MAGI2: variants seen among roughly 807,000 people sequenced by gnomAD.
MAGI2 encodes the protein membrane associated guanylate kinase, WW and PDZ domain containing 2.
MAGI2 carries 35 observed loss-of-function variants against 133.3 expected under a neutral mutation model. That is an observed-to-expected ratio of 0.26 (90% CI 0.20 to 0.35). The LOEUF (loss-of-function observed/expected upper bound fraction) is 0.35. MAGI2 is among the 10% of genes least tolerant of loss of function. The pLI, the probability that MAGI2 is intolerant of heterozygous loss-of-function variation, is 1.00. For synonymous variants in MAGI2, 729 were observed against 710.6 expected, an observed-to-expected ratio of 1.03 and a Z score of -0.41; for missense variants, 1,636 against 1,863.4, an observed-to-expected ratio of 0.88 and a Z score of 2.25.
Position 79,378,531 on chromosome 7 carries a change from T to G in MAGI2, c.301+74489A>C, listed in dbSNP as rs926389094. 2.0e-5 allele frequency among the ~76,000 whole-genome samples: 3 copies of G among 151,604 alleles called. No homozygotes were observed. The Admixed American group carries it at 2.0e-4, about 10-fold the overall frequency. ...ATTTCATTGTCTGGCAGGGTTTTTT[T>G]TTAATGGAAGAATCATTTTATTTAC... On this transcript the variant is annotated intron_variant, in intron 1 of 21. Transcript: ENST00000354212.
At chr7:78,858,935 T>C (rs1213760778) in intron 2 of MAGI2, among the ~76,000 whole-genome samples, 1 of 152,178 alleles carries the variant, frequency 6.6e-6, no homozygotes, top group East Asian at 1.9e-4. Context: ...ATTGGGTGCA[T>C]ATATATTTAG....
chr7:78,051,884 C>CTTTTTTTT (rs59919639), intron 21 of MAGI2, among the ~76,000 whole-genome samples: 5,547 of 125,300 alleles, frequency 0.044, 205 homozygotes, highest in East Asian at 0.16. Flanking sequence ...CATACCCAGC[C>CTTTTTTTT]TTTTTTTTTT....
At chr7:78,894,866 C>T (rs73144914) in intron 2 of MAGI2, among the ~76,000 whole-genome samples, 14,644 of 152,178 alleles carry the variant, frequency 0.096, 762 homozygotes, top group East Asian at 0.22. Flanking sequence ...CTACTTCCAA[C>T]AGTATTTAAT....
intron 1 of MAGI2, among the ~76,000 whole-genome samples, chr7:79,399,934 T>G (rs1051021105): frequency 6.6e-6 from 1 of 152,228 alleles, no homozygotes; most frequent in African/African-American, 2.4e-5. Context: ...ATTTACATAT[T>G]CAAAGTCTTT....
At chr7:78,440,399 T>G (rs1249250180) in intron 6 of MAGI2, among the ~76,000 whole-genome samples, 3 of 152,084 alleles carry the variant, frequency 2.0e-5, no homozygotes, top group African/African-American at 7.2e-5. Context: ...GTAATTCCTA[T>G]GAGAAACCAT....
At chr7:78,081,310 T>G (rs1815942092) in intron 20 of MAGI2, among the ~76,000 whole-genome samples, 2 of 152,210 alleles carry the variant, frequency 1.3e-5, no homozygotes, top group Admixed American at 6.5e-5. Context: ...GCACCTGTTA[T>G]GTACCAGACA....
chr7:78,808,344 C>T (rs1250065057), intron 2 of MAGI2, among the ~76,000 whole-genome samples: 2 of 152,218 alleles, frequency 1.3e-5, no homozygotes, highest in East Asian at 1.9e-4. Context: ...GCAACTTCCA[C>T]CTCCCAAGTT....
At chr7:78,403,246 C>T (rs565077072) in intron 6 of MAGI2, among the ~76,000 whole-genome samples, 45 of 151,828 alleles carry the variant, frequency 3.0e-4, no homozygotes, top group Admixed American at 2.2e-3. Context: ...TGAGAACATG[C>T]GGTGTTTGGT....
At position 79,142,578 on chromosome 7, in the gene MAGI2, G is replaced by T. The variant is rs528078843; in HGVS notation, c.302-135372C>A. On this transcript the variant is annotated intron_variant, in intron 1 of 21. Coordinates refer to ENST00000354212, the MANE Select transcript of MAGI2 (RefSeq NM_012301.4). ...GCTGTGAGTGTGCATGTGTGTGCATGTGGATGTGTGAATAATGACAATTAC... is the reference window on the plus strand; with the variant it reads ...GCTGTGAGTGTGCATGTGTGTGCATTTGGATGTGTGAATAATGACAATTAC... Among the ~76,000 whole-genome samples, 3 of 152,186 alleles carry T rather than the reference G, an allele frequency of 2.0e-5. No individual in the cohort carries two copies. The South Asian group carries it at 6.2e-4, about 32-fold the overall frequency.
At chr7:78,875,332 G>A (rs758398533) in intron 2 of MAGI2, among the ~76,000 whole-genome samples, 12 of 152,130 alleles carry the variant, frequency 7.9e-5, no homozygotes, top group Non-Finnish European at 1.6e-4. Context: ...AAAGCTCAGG[G>A]GTGGAAAAGC....
chr7:78,509,750 A>G (rs1241447758), intron 4 of MAGI2, among the ~76,000 whole-genome samples: 1 of 152,232 alleles, frequency 6.6e-6, no homozygotes, highest in Non-Finnish European at 1.5e-5. Flanking sequence ...CCAGAAGCCA[A>G]GATAAAACCA....
In MAGI2 at chr7:78,627,239, C is replaced by A; in HGVS notation, c.419G>T (p.Cys140Phe). The A allele has an allele frequency of 6.5e-7, 1 of 1,535,750 alleles. No homozygotes were observed. The highest frequency in any genetic ancestry group is 8.7e-7 in the Non-Finnish European group (1 of 1,146,160). Residue 140 changes from cysteine to phenylalanine, a missense_variant and splice_region_variant, in exon 3 of 22, where the codon TGC (cysteine) becomes TTC (phenylalanine). Around this residue, in one of 5 missense-constraint regions of MAGI2, gnomAD observed 148 missense variants for 239.0 expected, o/e 0.62. Transcript: ENST00000354212. The stretch of plus-strand genomic sequence containing the variant: ...ACCCTCCTTATGTGGCCTTGTGGTG[C>A]CTGAATAAAGAAAAGTAAAAACAAA... ...RDNLYLRTVPCTTRPHKEGEV... is the reference protein window; with the variant it reads ...RDNLYLRTVPFTTRPHKEGEV...
chr7:78,795,940 G>A (rs1787571362), intron 2 of MAGI2, among the ~76,000 whole-genome samples: 1 of 152,008 alleles, frequency 6.6e-6, no homozygotes, highest in South Asian at 2.1e-4. Context: ...ACCATATACA[G>A]AATGAAACTA....
chr7:78,718,291 A>G (rs528904937), intron 2 of MAGI2, among the ~76,000 whole-genome samples: 54 of 152,280 alleles, frequency 3.5e-4, no homozygotes, highest in African/African-American at 1.3e-3. Context: ...ACCAAGTAGG[A>G]GCACATACCG....
intron 20 of MAGI2, among the ~76,000 whole-genome samples, chr7:78,119,493 G>A (rs1041311300): frequency 1.1e-4 from 16 of 149,134 alleles, no homozygotes; most frequent in African/African-American, 3.7e-4. Context: ...CCTGGGAGGC[G>A]GAGGTTGCAG....
intron 1 of MAGI2, among the ~76,000 whole-genome samples, chr7:79,018,665 G>T (rs1182658038): frequency 1.3e-5 from 2 of 152,176 alleles, no homozygotes; most frequent in Non-Finnish European, 2.9e-5. Flanking sequence ...CTCACATGAA[G>T]TGGCAGCCAT....
rs139551344 is a variant in MAGI2 at position 78,896,690 on chromosome 7, C to G, written c.418+110400G>C. Among the ~76,000 whole-genome samples the G allele has an allele frequency of 3.2e-4, 48 of 152,068 alleles. No individual in the cohort carries two copies. The South Asian group carries it at 5.0e-3, about 16-fold the overall frequency. ...TCAAGCGATTCTCGTGCCTCAGCCT[C>G]CTGTGTAACTGGGACTACAGATGCG... On this transcript the variant is annotated intron_variant, in intron 2 of 21. Transcript: ENST00000354212.
chr7:78,546,751 A>G (rs1288736293), intron 3 of MAGI2, among the ~76,000 whole-genome samples: 1 of 152,184 alleles, frequency 6.6e-6, no homozygotes, highest in African/African-American at 2.4e-5. Flanking sequence ...ATGGACTCAA[A>G]TAGAGGCTTA....
At chr7:78,677,538 TA>T (rs1234746420) in intron 2 of MAGI2, among the ~76,000 whole-genome samples, 1 of 151,622 alleles carries the variant, frequency 6.6e-6, no homozygotes, top group Non-Finnish European at 1.5e-5. Context: ...TTCCTATCAT[TA>T]AAAAAAATAA....
Sources: allele counts gnomAD v4.1 joint callset (sites outside exome capture counted in the v4.1 genomes callset), GRCh38; gene constraint gnomAD v4.1.1; regional missense constraint gnomAD v4.1.1; transcripts MANE v1.5; gene names NCBI Gene and HGNC (gene_info 2026-07-23, HGNC 2026-07-21).